The following PTPRG variants were observed in gnomAD, a reference collection of about 807,000 sequenced individuals.
PTPRG encodes the protein receptor-type tyrosine-protein phosphatase gamma.
A neutral mutation model predicts 165.3 loss-of-function variants in PTPRG; 102 were observed. That is an observed-to-expected ratio of 0.62 (90% CI 0.53 to 0.73). The LOEUF is 0.73. Ranked by LOEUF, PTPRG falls within the 30% of genes least tolerant of loss-of-function variation. The pLI, the probability that PTPRG is intolerant of heterozygous loss-of-function variation, is 0.00. For missense variants in PTPRG, 1,866 were observed against 1,861.4 expected, an observed-to-expected ratio of 1.00 and a Z score of -0.05; for synonymous variants, 675 against 669.5, an observed-to-expected ratio of 1.01 and a Z score of -0.13.
intron 2 of PTPRG, among the ~76,000 whole-genome samples, chr3:61,781,004 T>C (rs530638557): frequency 6.6e-6 from 1 of 152,320 alleles, no homozygotes; most frequent in Non-Finnish European, 1.5e-5. Flanking sequence ...ATTATGTAGC[T>C]CTTAGAGTAT....
chr3:61,698,920 C>CA (rs1448842470), intron 1 of PTPRG, among the ~76,000 whole-genome samples: 1 of 151,526 alleles, frequency 6.6e-6, no homozygotes, highest in African/African-American at 2.4e-5. Context: ...ATCGCAAGGA[C>CA]AAAAAACCAA....
intron 2 of PTPRG, among the ~76,000 whole-genome samples, chr3:61,868,376 A>G (rs1445205414): frequency 6.6e-6 from 1 of 152,100 alleles, no homozygotes; most frequent in Non-Finnish European, 1.5e-5. Context: ...AAGGCATCAT[A>G]TCATCTTGTC....
intron 1 of PTPRG, among the ~76,000 whole-genome samples, chr3:61,631,232 C>T (rs1001010950): frequency 2.6e-5 from 4 of 151,926 alleles, no homozygotes; most frequent in African/African-American, 7.3e-5. Flanking sequence ...GGGTAGCAAC[C>T]TTTTGCCAGG....
intron 1 of PTPRG, among the ~76,000 whole-genome samples, chr3:61,713,162 A>AT (rs1225788176): frequency 0.024 from 3,451 of 144,030 alleles, 134 homozygotes; most frequent in African/African-American, 0.082. Context: ...AACATCAAAT[A>AT]TGTTTTTTTT....
At chr3:62,108,902 A>T (rs537363700) in intron 5 of PTPRG, among the ~76,000 whole-genome samples, 21 of 151,974 alleles carry the variant, frequency 1.4e-4, no homozygotes, top group Non-Finnish European at 2.9e-4. Flanking sequence ...TTTTTCTTGT[A>T]AATTTGTTTA....
At chr3:61,789,539 A>G (rs2034810828) in intron 2 of PTPRG, among the ~76,000 whole-genome samples, 1 of 152,246 alleles carries the variant, frequency 6.6e-6, no homozygotes, top group Non-Finnish European at 1.5e-5. Flanking sequence ...GTAGTGCAGC[A>G]TAAAGTGTTG....
chr3:61,830,024 A>T (rs1180381935), intron 2 of PTPRG, among the ~76,000 whole-genome samples: 2 of 152,228 alleles, frequency 1.3e-5, no homozygotes, highest in Non-Finnish European at 2.9e-5. Flanking sequence ...AAACCTTTGC[A>T]TGTGGTGATT....
intron 1 of PTPRG, among the ~76,000 whole-genome samples, chr3:61,721,692 T>C (rs1473836740): frequency 6.6e-6 from 1 of 152,150 alleles, no homozygotes; most frequent in Non-Finnish European, 1.5e-5. Flanking sequence ...TTAAAATCCA[T>C]AGAGGTCATC....
chr3:61,898,963 C>T (rs567721407), intron 2 of PTPRG, among the ~76,000 whole-genome samples: 20 of 152,144 alleles, frequency 1.3e-4, no homozygotes, highest in Non-Finnish European at 2.2e-4. Context: ...GGCTGGAGTG[C>T]GGCGGCGCCA....
chr3:62,149,422 CG>C (rs1704244127), intron 6 of PTPRG, among the ~76,000 whole-genome samples: 1 of 152,090 alleles, frequency 6.6e-6, no homozygotes, highest in African/African-American at 2.4e-5. Context: ...TACAGGCACA[CG>C]CCACCATACC....
At chr3:62,141,658 G>A (rs574023201) in intron 6 of PTPRG, among the ~76,000 whole-genome samples, 3 of 151,908 alleles carry the variant, frequency 2.0e-5, no homozygotes, top group Non-Finnish European at 2.9e-5. Flanking sequence ...CCAACATTGT[G>A]GGGGGACGAG....
At chr3:62,029,721 T>G (rs1300437108) in intron 4 of PTPRG, among the ~76,000 whole-genome samples, 1 of 152,214 alleles carries the variant, frequency 6.6e-6, no homozygotes, top group Non-Finnish European at 1.5e-5. Context: ...GGGAAAACAT[T>G]CACACACATT....
chr3:62,143,370 A>G (rs73096580), intron 6 of PTPRG, among the ~76,000 whole-genome samples: 14,495 of 152,188 alleles, frequency 0.095, 989 homozygotes, highest in East Asian at 0.36. Flanking sequence ...ATAATCCAGC[A>G]GCAAGAAAAT....
chr3:61,836,062 C>CCCAAA (rs2036450402), intron 2 of PTPRG, among the ~76,000 whole-genome samples: 12 of 103,622 alleles, frequency 1.2e-4, no homozygotes, highest in Non-Finnish European at 1.6e-4. Flanking sequence ...CCCCCCCCAC[C>CCCAAA]AAAAAAAAAA....
chr3:61,950,481 C>T (rs1329774396), intron 2 of PTPRG, among the ~76,000 whole-genome samples: 1 of 152,160 alleles, frequency 6.6e-6, no homozygotes, highest in African/African-American at 2.4e-5. Context: ...TGGTAGGTTT[C>T]AGAGGGTTAA....
intron 2 of PTPRG, among the ~76,000 whole-genome samples, chr3:61,965,200 C>T (rs532415383): frequency 4.6e-5 from 7 of 150,698 alleles, no homozygotes; most frequent in South Asian, 2.1e-4. Context: ...GCCGAGATGG[C>T]GCCATTGCAC....
intron 23 of PTPRG, among the ~76,000 whole-genome samples, chr3:62,274,133 T>C (rs1702159140): frequency 6.6e-6 from 1 of 152,166 alleles, no homozygotes; most frequent in South Asian, 2.1e-4. Flanking sequence ...TTAAAGTAAC[T>C]CGTTTAGTCC....
At chr3:62,103,351 G>A (rs1702359541) in intron 5 of PTPRG, among the ~76,000 whole-genome samples, 1 of 151,396 alleles carries the variant, frequency 6.6e-6, no homozygotes, top group Admixed American at 6.6e-5. Context: ...CTCCCCACCA[G>A]TGCTAAGCAG....
At chr3:61,614,733 T>C (rs1701259143) in intron 1 of PTPRG, among the ~76,000 whole-genome samples, 1 of 152,188 alleles carries the variant, frequency 6.6e-6, no homozygotes, top group Admixed American at 6.5e-5. Context: ...TACTTAATAA[T>C]TCTAATTAGG....
Sources: gnomAD v4.1 joint callset for allele counts (sites outside exome capture counted in the v4.1 genomes callset) on GRCh38, gnomAD v4.1.1 for gene constraint, MANE v1.5 for transcripts, NCBI Gene and HGNC (gene_info 2026-07-23, HGNC 2026-07-21) for gene names.